The following SESN3 variants were observed in gnomAD, a reference collection of about 807,000 sequenced individuals.
SESN3 encodes the protein sestrin 3, also known as sestrin-3.
SESN3 carries 21 observed loss-of-function variants against 55.3 expected under a neutral mutation model. That is an observed-to-expected ratio of 0.38 (90% CI 0.27 to 0.55). The LOEUF (loss-of-function observed/expected upper bound fraction) is 0.55. Among genes scored for constraint, SESN3 ranks in the 20% least tolerant of loss-of-function variants. SESN3 has a pLI of 0.76. For synonymous variants in SESN3, 181 were observed against 203.1 expected (o/e 0.89, Z 0.93); for missense variants, 408 against 604.3 (o/e 0.68, Z 3.41).
At chr11:95,221,819 G>T (rs937311561) in intron 1 of SESN3, among the ~76,000 whole-genome samples, 2 of 152,188 alleles carry the variant, frequency 1.3e-5, no homozygotes, top group Admixed American at 1.3e-4. Flanking sequence ...CCCTCAAGGG[G>T]CAGTCAATAT....
At chr11:95,223,268 G>A (rs1395676315) in intron 1 of SESN3, among the ~76,000 whole-genome samples, 1 of 151,748 alleles carries the variant, frequency 6.6e-6, no homozygotes, top group Non-Finnish European at 1.5e-5. Flanking sequence ...TCAGTACCCT[G>A]CATTAATAGT....
At chr11:95,209,492 G>T (rs529943091) in intron 1 of SESN3, among the ~76,000 whole-genome samples, 7 of 151,322 alleles carry the variant, frequency 4.6e-5, no homozygotes, top group Admixed American at 4.6e-4. Flanking sequence ...ACCGTGTGGC[G>T]ATTCCTCAAG....
intron 3 of SESN3, among the ~76,000 whole-genome samples, chr11:95,190,982 C>T (rs1860257069): frequency 6.6e-6 from 1 of 151,970 alleles, no homozygotes. Context: ...TTCAGATTCT[C>T]CATTAATGCT....
At chr11:95,193,000 T>C (rs1860295707) in intron 2 of SESN3, among the ~76,000 whole-genome samples, 1 of 152,130 alleles carries the variant, frequency 6.6e-6, no homozygotes, top group South Asian at 2.1e-4. Context: ...AAAATGACTA[T>C]GCTTCAGGAA....
Position 95,230,710 on chromosome 11 carries a change from C to T in SESN3, c.78+73G>A. ...CTCTCAGCCTCCCCCAGTGCGCGCC[C>T]GGGGACGAGCCGCCCGAGCCCCGGC... On this transcript the variant is annotated intron_variant, in intron 1 of 9. Transcript: ENST00000536441. This position sits in a 1 kb window ranked among gnomAD's most constrained non-coding sequence, Gnocchi z 4.6. The T allele has an allele frequency of 8.5e-7, 1 of 1,182,496 alleles. No individual in the cohort carries two copies. The highest frequency in any genetic ancestry group is 2.5e-5 in the East Asian group (1 of 39,606). 73.3% of individuals were successfully genotyped at this position (1,182,496 alleles called of 1,614,324 possible).
chr11:95,207,577 G>A (rs1164237655), intron 1 of SESN3, among the ~76,000 whole-genome samples: 3 of 151,374 alleles, frequency 2.0e-5, no homozygotes, highest in Non-Finnish European at 4.4e-5. Context: ...TAAGCTAAAT[G>A]CTTTAAAATT....
In SESN3 at chr11:95,173,026, G is replaced by C. The variant is rs1859880684; in HGVS notation, c.*229C>G. 2.4e-6 allele frequency: 1 copy of C among 422,686 alleles called. No individual in the cohort carries two copies. The highest frequency in any genetic ancestry group is 4.3e-6 in the Non-Finnish European group (1 of 232,058). 26.2% of individuals were successfully genotyped at this position (422,686 alleles called of 1,614,324 possible). A position where few individuals can be genotyped will look rare whatever the true frequency, so the allele number is the denominator to read the frequency against. On this transcript the variant is annotated 3_prime_UTR_variant, in exon 10 of 10. Transcript: ENST00000536441. ...AAACTCCAACTACAAACAATGCAAAGTAGTGCTCCTCAGTATTATTTTTGC... is the reference window on the plus strand; with the variant it reads ...AAACTCCAACTACAAACAATGCAAACTAGTGCTCCTCAGTATTATTTTTGC...
intron 1 of SESN3, among the ~76,000 whole-genome samples, chr11:95,207,159 T>TA (rs1860566108): frequency 3.9e-5 from 1 of 25,330 alleles, no homozygotes; most frequent in Non-Finnish European, 1.1e-4. Flanking sequence ...TTAAAACACT[T>TA]ACTTCCAAAT....
intron 1 of SESN3, among the ~76,000 whole-genome samples, chr11:95,194,845 T>C (rs903531798): frequency 3.3e-5 from 5 of 152,186 alleles, no homozygotes; most frequent in South Asian, 2.1e-4. Flanking sequence ...TCTGTATAAC[T>C]CAATGAACTA....
chr11:95,226,446 C>A (rs1240116481), intron 1 of SESN3, among the ~76,000 whole-genome samples: 1 of 152,142 alleles, frequency 6.6e-6, no homozygotes, highest in Admixed American at 6.5e-5. Context: ...TTGGGGGAAG[C>A]AGCAGAACAC....
intron 1 of SESN3, among the ~76,000 whole-genome samples, chr11:95,215,087 C>T (rs1237499177): frequency 2.0e-5 from 3 of 152,056 alleles, no homozygotes; most frequent in African/African-American, 7.2e-5. Flanking sequence ...ACTGATAATG[C>T]ATGTTGAAAC....
At chr11:95,178,021 C>G (rs1859990733) in intron 7 of SESN3, 112 bp from the exon 8 acceptor site, 5 of 738,394 alleles carry the variant, frequency 6.8e-6, no homozygotes, top group Non-Finnish European at 1.1e-5. Flanking sequence ...TAATTTAGCT[C>G]TAGGTTTTCA....
At chr11:95,197,547 C>A (rs1388889982) in intron 1 of SESN3, among the ~76,000 whole-genome samples, 2 of 151,634 alleles carry the variant, frequency 1.3e-5, no homozygotes, top group African/African-American at 2.4e-5. Flanking sequence ...CGGGCTCAAG[C>A]GATTCTCCTG....
At position 95,230,698 on chromosome 11, in the gene SESN3, C is replaced by G. The variant is rs1422629856; in HGVS notation, c.78+85G>C. On this transcript the variant is annotated intron_variant, in intron 1 of 9. Transcript: ENST00000536441. This position sits in a 1 kb window ranked among gnomAD's most constrained non-coding sequence, Gnocchi z 4.6. ...GCCCGGGGATCCCTCTCAGCCTCCC[C>G]CAGTGCGCGCCCGGGGACGAGCCGC... is the stretch of plus-strand genomic sequence containing the variant. 2 of 971,176 alleles carry G rather than the reference C, an allele frequency of 2.1e-6. No individual in the cohort carries two copies. Among genetic ancestry groups the G allele is most frequent in the Non-Finnish European group, 3.2e-6 (2 of 634,252 alleles). 60.2% of individuals were successfully genotyped at this position (971,176 alleles called of 1,614,324 possible).
intron 1 of SESN3, among the ~76,000 whole-genome samples, chr11:95,207,763 A>G (rs1458778691): frequency 2.0e-5 from 3 of 151,546 alleles, no homozygotes; most frequent in Non-Finnish European, 4.4e-5. Context: ...ATAATTTAAT[A>G]GCAGAAGAAC....
intron 1 of SESN3, among the ~76,000 whole-genome samples, chr11:95,216,039 A>G (rs1219237465): frequency 6.7e-6 from 1 of 148,502 alleles, no homozygotes; most frequent in Admixed American, 6.8e-5. Context: ...CGGAGCTTGC[A>G]GTGAGCCGAG....
chr11:95,229,353 T>C lies in SESN3; in HGVS notation c.78+1430A>G, dbSNP rs765399756. ...GCAAGTATCAACTGTAATTTGATCC[T>C]AGAGTTTATGGAAAAAAATAACTGC... On this transcript the variant is annotated intron_variant, in intron 1 of 9. Coordinates refer to ENST00000536441, the MANE Select transcript of SESN3 (RefSeq NM_144665.4). 2.5e-4 allele frequency among the ~76,000 whole-genome samples: 38 copies of C among 152,326 alleles called. 1 individual carries two copies. Among genetic ancestry groups the C allele is most frequent in the South Asian group, 4.1e-4 (2 of 4,824 alleles).
intron 9 of SESN3, among the ~76,000 whole-genome samples, chr11:95,174,022 G>C (rs145333782): frequency 6.6e-6 from 1 of 152,232 alleles, no homozygotes; most frequent in Non-Finnish European, 1.5e-5. Context: ...GAAGAGTAAA[G>C]AGAATTTCTA....
intron 1 of SESN3, among the ~76,000 whole-genome samples, chr11:95,229,829 C>T (rs1861018387): frequency 6.6e-6 from 1 of 152,206 alleles, no homozygotes; most frequent in Admixed American, 6.5e-5. Context: ...ACAGAAGCAT[C>T]TCACCTAACG....
Sources: allele counts gnomAD v4.1 joint callset (sites outside exome capture counted in the v4.1 genomes callset), GRCh38; gene constraint gnomAD v4.1.1; non-coding constraint Gnocchi (gnomAD v3.1); transcripts MANE v1.5; gene names NCBI Gene and HGNC (gene_info 2026-07-23, HGNC 2026-07-21).